Variants in PCDH15 observed in about 807,000 individuals in gnomAD.
PCDH15 encodes the protein protocadherin related 15.
A neutral mutation model predicts 178.5 loss-of-function variants in PCDH15; 129 were observed. The ratio of observed to expected loss-of-function variants is 0.72; its 90% confidence interval spans 0.63 to 0.84. The LOEUF is 0.84. Among genes scored for constraint, PCDH15 ranks in the 40% least tolerant of loss-of-function variants. The probability of loss-of-function intolerance (pLI) is 0.00; values close to 1 mark genes in which losing one functional copy is unlikely to be tolerated. For missense variants in PCDH15, 2,230 were observed against 2,099.9 expected (o/e 1.06, Z -1.21); for synonymous variants, 800 against 732.0 (o/e 1.09, Z -1.50).
At chr10:54,919,394 TGAAA>T (rs1377052239) in intron 2 of PCDH15, among the ~76,000 whole-genome samples, 2 of 152,206 alleles carry the variant, frequency 1.3e-5, no homozygotes, top group Non-Finnish European at 2.9e-5. Flanking sequence ...TCTATTAGCC[TGAAA>T]GAATTTCACC....
At chr10:54,871,407 A>G (rs2131795219) in intron 3 of PCDH15, among the ~76,000 whole-genome samples, 1 of 147,328 alleles carries the variant, frequency 6.8e-6, no homozygotes, top group Non-Finnish European at 1.5e-5. Context: ...AATGTGGTCT[A>G]GTACAGACGA....
At chr10:55,354,663 C>A (rs150632445) in intron 2 of PCDH15, among the ~76,000 whole-genome samples, 190 of 152,124 alleles carry the variant, frequency 1.2e-3, no homozygotes, top group African/African-American at 3.9e-3. Context: ...GAAATTCAGA[C>A]AATTCATAAT....
chr10:54,936,030 T>C (rs958476206), intron 2 of PCDH15, among the ~76,000 whole-genome samples: 1 of 152,030 alleles, frequency 6.6e-6, no homozygotes, highest in South Asian at 2.1e-4. Context: ...TACCCATCAA[T>C]TGTCACTCAT....
chr10:54,552,201 A>T (rs929794221), intron 2 of PCDH15, among the ~76,000 whole-genome samples: 4 of 152,086 alleles, frequency 2.6e-5, no homozygotes, highest in African/African-American at 9.7e-5. Flanking sequence ...TCCTCCCTTC[A>T]TGAATGTACT....
chr10:54,285,704 C>A (rs2058989165), intron 8 of PCDH15, among the ~76,000 whole-genome samples: 1 of 152,098 alleles, frequency 6.6e-6, no homozygotes, highest in African/African-American at 2.4e-5. Context: ...ATGATCCAGT[C>A]ATTCTACTAC....
At chr10:54,209,056 C>T (rs1275516647) in intron 10 of PCDH15, among the ~76,000 whole-genome samples, 2 of 151,798 alleles carry the variant, frequency 1.3e-5, no homozygotes, top group Admixed American at 1.3e-4. Flanking sequence ...TTCACATCTC[C>T]ATAACAGATT....
At chr10:54,374,305 G>A (rs1442071097) in intron 4 of PCDH15, among the ~76,000 whole-genome samples, 1 of 152,096 alleles carries the variant, frequency 6.6e-6, no homozygotes, top group Non-Finnish European at 1.5e-5. Context: ...CAGCTACCAA[G>A]TTAGAGTCTG....
At chr10:55,587,979 C>G (rs1448608415) in intron 2 of PCDH15, among the ~76,000 whole-genome samples, 1 of 152,180 alleles carries the variant, frequency 6.6e-6, no homozygotes, top group East Asian at 1.9e-4. Flanking sequence ...GACACTTGTA[C>G]AAGTGCTGAA....
chr10:54,170,947 T>C (rs535916154), intron 13 of PCDH15, among the ~76,000 whole-genome samples: 242 of 152,122 alleles, frequency 1.6e-3, no homozygotes, highest in South Asian at 0.012. Flanking sequence ...ACACATCAAG[T>C]TCGAGGATTT....
intron 29 of PCDH15, among the ~76,000 whole-genome samples, chr10:53,833,522 G>T (rs1268478800): frequency 6.6e-6 from 1 of 151,930 alleles, no homozygotes; most frequent in Non-Finnish European, 1.5e-5. Flanking sequence ...ATTGCCTTTT[G>T]TCATTTTATC....
At chr10:54,927,804 C>A (rs1252418163) in intron 2 of PCDH15, among the ~76,000 whole-genome samples, 1 of 151,880 alleles carries the variant, frequency 6.6e-6, no homozygotes, top group Admixed American at 6.6e-5. Context: ...ATTTTTTCAT[C>A]CATTTACTTT....
At chr10:55,117,274 T>C (rs1837650691) in intron 2 of PCDH15, among the ~76,000 whole-genome samples, 1 of 152,210 alleles carries the variant, frequency 6.6e-6, no homozygotes, top group African/African-American at 2.4e-5. Context: ...ATTGTTCCTG[T>C]GGTGAATCTG....
chr10:53,885,384 C>A (rs2081019784), intron 26 of PCDH15, among the ~76,000 whole-genome samples: 1 of 150,680 alleles, frequency 6.6e-6, no homozygotes, highest in African/African-American at 2.5e-5. Context: ...ACCAAAAAAC[C>A]TTCAATATGC....
intron 3 of PCDH15, among the ~76,000 whole-genome samples, chr10:54,829,950 C>A (rs1404269270): frequency 1.3e-5 from 2 of 152,050 alleles, no homozygotes. Context: ...CATCTATTTG[C>A]AAGGATATCT....
intron 1 of PCDH15, among the ~76,000 whole-genome samples, chr10:55,271,650 T>C (rs1327045372): frequency 1.3e-5 from 2 of 152,034 alleles, no homozygotes; most frequent in Admixed American, 6.6e-5. Flanking sequence ...ATCAGACAGA[T>C]TGAAGCAGTG....
At chr10:55,505,649 T>A (rs1371287633) in intron 2 of PCDH15, among the ~76,000 whole-genome samples, 1 of 151,446 alleles carries the variant, frequency 6.6e-6, no homozygotes, top group Non-Finnish European at 1.5e-5. Flanking sequence ...AGTTTATTTT[T>A]ACATTTCATT....
At chr10:53,820,680 T>C (rs1261894024) in intron 32 of PCDH15, among the ~76,000 whole-genome samples, 4 of 152,034 alleles carry the variant, frequency 2.6e-5, no homozygotes, top group African/African-American at 9.7e-5. Context: ...AAGTAATTAC[T>C]TGATGGTCAC....
At chr10:55,590,368 C>T (rs1039988759) in intron 2 of PCDH15, among the ~76,000 whole-genome samples, 7 of 150,556 alleles carry the variant, frequency 4.6e-5, no homozygotes, top group African/African-American at 1.2e-4. Context: ...TGCTAAATGG[C>T]GAGTTAATGG....
intron 1 of PCDH15, among the ~76,000 whole-genome samples, chr10:54,781,060 C>G (rs1265416536): frequency 6.6e-6 from 1 of 152,106 alleles, no homozygotes; most frequent in Non-Finnish European, 1.5e-5. Flanking sequence ...ACCTAAGCCA[C>G]TTTTTAATAA....
Sources: allele counts gnomAD v4.1 joint callset (sites outside exome capture counted in the v4.1 genomes callset), GRCh38; gene constraint gnomAD v4.1.1; transcripts MANE v1.5; gene names NCBI Gene and HGNC (gene_info 2026-07-23, HGNC 2026-07-21).